The following COL6A1 variants were observed in gnomAD, a reference collection of about 807,000 sequenced individuals.
COL6A1 encodes collagen type VI alpha 1 chain, also known as collagen alpha-1(VI) chain.
Under a neutral mutation model 145.6 loss-of-function variants are expected in COL6A1, and 80 were observed. That is an observed-to-expected ratio of 0.55 (90% CI 0.46 to 0.66). COL6A1 has a LOEUF of 0.66. COL6A1 is among the 30% of genes least tolerant of loss of function. The pLI, the probability that COL6A1 is intolerant of heterozygous loss-of-function variation, is 0.00. For missense variants in COL6A1, 1,364 were observed against 1,473.8 expected, an observed-to-expected ratio of 0.93 and a Z score of 1.22; for synonymous variants, 638 against 622.8, an observed-to-expected ratio of 1.02 and a Z score of -0.36.
chr21:46,000,196 C>T, intron 27 of COL6A1, 135 bp from the exon 28 acceptor site: 1 of 971,568 alleles, frequency 1.0e-6, no homozygotes, highest in Admixed American at 1.7e-5. Flanking sequence ...GAGCCGGGCA[C>T]ACCTGCAAAG....
At chr21:45,995,188 G>A (rs60605633) in intron 20 of COL6A1, among the ~76,000 whole-genome samples, 47,261 of 152,250 alleles carry the variant, frequency 0.31, 8,409 homozygotes, top group East Asian at 0.63. Context: ...CTTGGCAGGC[G>A]GGGTCTGGGC....
chr21:46,001,136 G>A lies in COL6A1; in HGVS notation c.1823-117G>A, dbSNP rs568039427. On this transcript the variant is annotated intron_variant, in intron 29 of 34. Coordinates refer to ENST00000361866, the MANE Select transcript of COL6A1 (RefSeq NM_001848.3). ...GGCTTTTCTGGGGCTGAGACGGGGG[G>A]ACCCCAACGTGTCAGGTGAGGATGT... The A allele has an allele frequency of 3.2e-4, 445 of 1,405,968 alleles. No homozygotes were observed. In the East Asian group the frequency reaches 5.0e-3, roughly 16 times the overall value. The allele number at this position is 1,405,968 out of a possible 1,614,324, so 87.1% of individuals were successfully genotyped here. A position where few individuals can be genotyped will look rare whatever the true frequency, so the allele number is the denominator to read the frequency against.
Position 45,999,163 on chromosome 21 carries a change from T to C in COL6A1, c.1685T>C (p.Ile562Thr), listed in dbSNP as rs775182845. The part of the protein sequence containing the change: ...AGDPGDDNND[I>T]APRGVKGAKG... ...GCTGTTCCCTTCTAGAACAACGACA[T>C]TGCACCCCGAGGAGTCAAAGGAGCA... Residue 562 changes from isoleucine (I) to threonine (T), a missense_variant, in exon 26 of 35, where the codon ATT becomes ACT. Around this residue, in one of 3 missense-constraint regions of COL6A1, gnomAD observed 938 missense variants for 1,003.8 expected, o/e 0.93. Coordinates refer to ENST00000361866, the MANE Select transcript of COL6A1 (RefSeq NM_001848.3). The C allele has an allele frequency of 1.9e-6, 3 of 1,601,232 alleles. No homozygotes were observed. Among genetic ancestry groups the C allele is most frequent in the South Asian group, 2.3e-5 (2 of 88,670 alleles).
intron 22 of COL6A1, 61 bp downstream of exon 22, chr21:45,997,823 C>A (rs1022832553): frequency 4.3e-5 from 65 of 1,521,854 alleles, no homozygotes; most frequent in Non-Finnish European, 5.4e-5. Flanking sequence ...CCCTGGGAAG[C>A]CCCAGCCCCG....
chr21:45,981,980 C>T lies in COL6A1; in HGVS notation c.97+33C>T, dbSNP rs1035675598. On this transcript the variant is annotated intron_variant, in intron 1 of 34. Coordinates refer to ENST00000361866, the MANE Select transcript of COL6A1 (RefSeq NM_001848.3). ...GTGGCTTGGGGTGCAGGCTCCAGAC[C>T]CCCCGCTCTTTGCTGCCGGCCAGGG... 16 of 1,530,536 alleles carry T rather than the reference C, an allele frequency of 1.0e-5. No homozygotes were observed. In the East Asian group the frequency reaches 2.8e-4, roughly 27 times the overall value. 94.8% of individuals were successfully genotyped at this position (1,530,536 alleles called of 1,614,324 possible). A position where few individuals can be genotyped will look rare whatever the true frequency, so the allele number is the denominator to read the frequency against.
chr21:45,981,915 A>T lies in COL6A1; in HGVS notation c.65A>T (p.Glu22Val). ...LQACWTAAQDEPETPRAVAFQ... is the reference protein window; with the variant it reads ...LQACWTAAQDVPETPRAVAFQ... Reference sequence around the variant, plus strand: ...GCCTGCTGGACAGCCGCGCAGGATGAGCCGGAGACCCCGAGGGCCGTGGCC... The same window carrying T: ...GCCTGCTGGACAGCCGCGCAGGATGTGCCGGAGACCCCGAGGGCCGTGGCC... The change falls in exon 1 of 35, where the codon GAG (glutamate) becomes GTG (valine). Residue 22 changes from glutamate (E) to valine (V), a missense_variant. By Grantham distance (121) the Glu-to-Val change is moderately radical. Coordinates refer to ENST00000361866, the MANE Select transcript of COL6A1 (RefSeq NM_001848.3). 1 of 1,607,112 alleles carries T rather than the reference A, an allele frequency of 6.2e-7. No individual in the cohort carries two copies. The highest frequency in any genetic ancestry group is 2.2e-5 in the East Asian group (1 of 44,554).
chr21:46,004,734 A>G lies in COL6A1; in HGVS notation c.*721A>G, dbSNP rs1447756713. The G allele has an allele frequency of 6.7e-6, 3 of 448,820 alleles. No individual in the cohort carries two copies. The highest frequency in any genetic ancestry group is 2.4e-5 in the Admixed American group (1 of 42,084). 27.8% of individuals were successfully genotyped at this position (448,820 alleles called of 1,614,324 possible). On this transcript the variant is annotated 3_prime_UTR_variant, in exon 35 of 35. Transcript: ENST00000361866. ...GCCCTGGAGGCCGCTGCTGACCAGCACTGACCCCGACCTCAGAGAGTACTC... is the reference window on the plus strand; with the variant it reads ...GCCCTGGAGGCCGCTGCTGACCAGCGCTGACCCCGACCTCAGAGAGTACTC...
chr21:45,985,973 C>T (rs1054612334), intron 3 of COL6A1, among the ~76,000 whole-genome samples: 9 of 152,216 alleles, frequency 5.9e-5, no homozygotes, highest in African/African-American at 1.4e-4. Context: ...TAAATGAGCT[C>T]GCCCTTCTGG....
intron 9 of COL6A1, 45 bp from the exon 10 acceptor site, chr21:45,989,563 C>G: frequency 6.3e-7 from 1 of 1,599,892 alleles, no homozygotes. Flanking sequence ...TGGCCCCTGC[C>G]CCTGCTCCTC....
intron 17 of COL6A1, 55 bp downstream of exon 17, chr21:45,992,272 T>A (rs1298519789): frequency 1.5e-5 from 24 of 1,613,374 alleles, no homozygotes; most frequent in Non-Finnish European, 1.9e-5. Context: ...CAGCTTCTGA[T>A]CCTCTTTGCT....
Position 46,002,083 on chromosome 21 carries a change from C to T in COL6A1, c.2066+13C>T, listed in dbSNP as rs144703546. On this transcript the variant is annotated intron_variant, in intron 31 of 34. Coordinates refer to ENST00000361866, the MANE Select transcript of COL6A1 (RefSeq NM_001848.3). Reference sequence around the variant, plus strand: ...AGGAGCTCAAGGAGTGAGTGCCCCACGCGGCCAGGACCCTCCCACCCCTCG... The same window carrying T: ...AGGAGCTCAAGGAGTGAGTGCCCCATGCGGCCAGGACCCTCCCACCCCTCG... 78 of 1,605,332 alleles carry T rather than the reference C, an allele frequency of 4.9e-5. No homozygotes were observed. The highest frequency in any genetic ancestry group is 6.7e-5 in the African/African-American group (5 of 74,976).
rs753928007 is a variant in COL6A1, at chr21:45,982,775, G to T, written c.227+12G>T. Reference sequence around the variant, plus strand: ...AACCTGAGGGACAGGTAGGAGGGACGCCCCGTGACCTTCCTCCTGTGCTTC... The same window carrying T: ...AACCTGAGGGACAGGTAGGAGGGACTCCCCGTGACCTTCCTCCTGTGCTTC... On this transcript the variant is annotated intron_variant, in intron 2 of 34. Coordinates refer to ENST00000361866, the MANE Select transcript of COL6A1 (RefSeq NM_001848.3). 3 of 1,611,132 alleles carry T rather than the reference G, an allele frequency of 1.9e-6. No homozygotes were observed. The highest frequency in any genetic ancestry group is 2.7e-5 in the African/African-American group (2 of 74,940).
rs763463926 is a variant in COL6A1, at chr21:46,003,843, G to T, written c.2917G>T (p.Val973Phe). 5.6e-6 allele frequency: 9 copies of T among 1,601,968 alleles called. No individual in the cohort carries two copies. Among genetic ancestry groups the T allele is most frequent in the Non-Finnish European group, 7.7e-6 (9 of 1,171,322 alleles). The change falls in exon 35 of 35, where the codon GTC (valine) becomes TTC (phenylalanine). Residue 973 changes from valine (V) to phenylalanine (F), a missense_variant. Val to Phe is a conservative substitution (Grantham distance 50). Coordinates refer to ENST00000361866, the MANE Select transcript of COL6A1 (RefSeq NM_001848.3). ...QRAGIEIFVV[V>F]VGRQVNEPHI... ...GGCAGGCATCGAGATCTTCGTGGTGGTCGTGGGCCGCCAGGTGAATGAGCC... is the reference window on the plus strand; with the variant it reads ...GGCAGGCATCGAGATCTTCGTGGTGTTCGTGGGCCGCCAGGTGAATGAGCC...
intron 6 of COL6A1, 153 bp downstream of exon 6, chr21:45,987,328 G>A: frequency 1.4e-6 from 2 of 1,466,026 alleles, no homozygotes; most frequent in Non-Finnish European, 1.9e-6. Context: ...CGGGATGTGT[G>A]TCCCCCTGCG....
At chr21:45,985,005 G>A (rs1046399277) in intron 3 of COL6A1, among the ~76,000 whole-genome samples, 2 of 151,904 alleles carry the variant, frequency 1.3e-5, no homozygotes, top group African/African-American at 4.8e-5. Context: ...GACAGAGACA[G>A]ATAGAAAAAG....
intron 6 of COL6A1, 96 bp downstream of exon 6, chr21:45,987,271 G>C (rs533725138): frequency 1.3e-6 from 2 of 1,558,136 alleles, no homozygotes; most frequent in Non-Finnish European, 1.7e-6. Context: ...ATGCATATCC[G>C]CCCATGTGCC....
At position 46,001,361 on chromosome 21, in the gene COL6A1, G is replaced by A. The variant is rs398123634; in HGVS notation, c.1931G>A (p.Arg644Gln). 105 of 1,612,148 alleles carry A rather than the reference G, an allele frequency of 6.5e-5. 1 individual carries two copies. Among genetic ancestry groups the A allele is most frequent in the African/African-American group, 9.3e-5 (7 of 75,046 alleles). ...GACTTCGTCGTCAAGGTCATCGACC[G>A]GCTGAGCCGGGACGAGCTGGTCAAG... ...AKDFVVKVID[R>Q]LSRDELVKFE... is the part of the protein sequence containing the mutation. Residue 644 changes from arginine to glutamine, a missense_variant, in exon 30 of 35, where the codon CGG becomes CAG. This residue lies in a region of COL6A1 where 938 missense variants were observed against 1,003.8 expected (regional missense o/e 0.93). Transcript: ENST00000361866.
Position 45,998,424 on chromosome 21 carries a change from C to T in COL6A1, c.1602C>T (p.Pro534=), listed in dbSNP as rs143755280. ...GGTATCCGGGCAACAGGGGCGCTCC[C>T]GGGATAAACGTGAGTACGCCCCCTC... The part of the protein sequence containing the change: ...FPGYPGNRGA[P]GINGTKGYPG... The change falls in exon 24 of 35, where the codon CCC becomes CCT. Residue 534 remains proline (P), a synonymous_variant. Transcript: ENST00000361866. 111 of 1,613,286 alleles carry T rather than the reference C, an allele frequency of 6.9e-5. No homozygotes were observed. The African/African-American group carries it at 8.3e-4, about 12-fold the overall frequency.
In COL6A1 at chr21:45,981,836, C is replaced by A. The variant is rs749986580; in HGVS notation, c.-15C>A. 1 of 1,566,668 alleles carries A rather than the reference C, an allele frequency of 6.4e-7. No homozygotes were observed. Among genetic ancestry groups the A allele is most frequent in the Non-Finnish European group, 8.6e-7 (1 of 1,158,004 alleles). ...CTGCCCTGGCCGCGCTGTGTGGTGA[C>A]CGCAGGCCCCAGACATGAGGGCGGC... On this transcript the variant is annotated 5_prime_UTR_variant, in exon 1 of 35. Coordinates refer to ENST00000361866, the MANE Select transcript of COL6A1 (RefSeq NM_001848.3).
Sources: allele counts gnomAD v4.1 joint callset (sites outside exome capture counted in the v4.1 genomes callset), GRCh38; gene constraint gnomAD v4.1.1; regional missense constraint gnomAD v4.1.1; transcripts MANE v1.5; gene names NCBI Gene and HGNC (gene_info 2026-07-23, HGNC 2026-07-21).